CAND1: variants seen among roughly 807,000 people sequenced by gnomAD.
CAND1 encodes the protein cullin-associated NEDD8-dissociated protein 1.
CAND1 carries 7 observed loss-of-function variants against 108.5 expected under a neutral mutation model. The ratio of observed to expected loss-of-function variants is 0.06; its 90% CI spans 0.04 to 0.12. CAND1 has a LOEUF of 0.12. CAND1 is among the 10% of genes least tolerant of loss of function. CAND1 has a pLI of 1.00. For missense variants in CAND1, 941 were observed against 1,448.7 expected (o/e 0.65, Z 5.69); for synonymous variants, 534 against 512.0 (o/e 1.04, Z -0.58).
rs956673304 is a variant in CAND1, at chr12:67,317,019, A to G, written c.*4189A>G. 2.6e-5 allele frequency: 4 copies of G among 152,192 alleles called. No individual in the cohort carries two copies. Among genetic ancestry groups the G allele is most frequent in the African/African-American group, 7.2e-5 (3 of 41,420 alleles). 9.4% of individuals were successfully genotyped at this position (152,192 alleles called of 1,614,324 possible). A position where few individuals can be genotyped will look rare whatever the true frequency, so the allele number is the denominator to read the frequency against. The stretch of plus-strand genomic sequence containing the variant: ...AGAAAAAAGAAATCAACAACATGCA[A>G]CCATAAGAATGGATGAGATGGCCCT... On this transcript the variant is annotated 3_prime_UTR_variant, in exon 15 of 15. Coordinates refer to ENST00000545606, the MANE Select transcript of CAND1 (RefSeq NM_018448.5).
intron 1 of CAND1, among the ~76,000 whole-genome samples, chr12:67,272,886 G>A (rs1030677446): frequency 2.0e-5 from 3 of 152,138 alleles, no homozygotes; most frequent in Admixed American, 6.5e-5. Context: ...TAGTCAAGAC[G>A]GGGTTTCACC....
intron 1 of CAND1, among the ~76,000 whole-genome samples, 180 bp from the exon 2 acceptor site, chr12:67,281,730 C>A (rs1410704401): frequency 6.6e-6 from 1 of 152,094 alleles, no homozygotes; most frequent in African/African-American, 2.4e-5. Flanking sequence ...TACATTATTG[C>A]TCTTTTCCTT....
chr12:67,276,851 G>C (rs1448552909), intron 1 of CAND1, among the ~76,000 whole-genome samples: 3 of 152,168 alleles, frequency 2.0e-5, no homozygotes, highest in Admixed American at 1.3e-4. Flanking sequence ...TTTGGCCAAG[G>C]GTAGACAAAG....
At chr12:67,276,068 A>G (rs985309212) in intron 1 of CAND1, among the ~76,000 whole-genome samples, 2 of 152,106 alleles carry the variant, frequency 1.3e-5, no homozygotes, top group Non-Finnish European at 2.9e-5. Flanking sequence ...CCTGATGAGT[A>G]TTTCTCAAAT....
intron 1 of CAND1, among the ~76,000 whole-genome samples, chr12:67,271,811 T>G (rs1305386744): frequency 6.6e-6 from 1 of 152,206 alleles, no homozygotes. Context: ...TTGGCATCAT[T>G]AAGATATTTT....
rs187989643 is a variant in CAND1 at position 67,287,186 on chromosome 12, A to G, written c.212+5133A>G. Among the ~76,000 whole-genome samples, 9 of 152,264 alleles carry G rather than the reference A, an allele frequency of 5.9e-5. No individual in the cohort carries two copies. The South Asian group carries it at 8.3e-4, about 14-fold the overall frequency. ...GCCAATAGCATTCCCACCTCTCCCA[A>G]TTGTAACAATCAGAAATGTCTCTTG... is the stretch of plus-strand genomic sequence containing the variant. On this transcript the variant is annotated intron_variant, in intron 2 of 14. Coordinates refer to ENST00000545606, the MANE Select transcript of CAND1 (RefSeq NM_018448.5).
chr12:67,310,097 A>T (rs753679211), intron 12 of CAND1, 27 bp downstream of exon 12: 2 of 1,608,986 alleles, frequency 1.2e-6, no homozygotes, highest in Non-Finnish European at 1.7e-6. Flanking sequence ...TGTTTATTTG[A>T]GCTTGTCTTT....
rs17103637 is a variant in CAND1, at chr12:67,269,428, C to G, written c.-290C>G. ...CCCTGAGTGGAAGTGTCTGGCTCCCCGTAGAGGCCCTTCTGTACGCCCCGC... is the reference window on the plus strand; with the variant it reads ...CCCTGAGTGGAAGTGTCTGGCTCCCGGTAGAGGCCCTTCTGTACGCCCCGC... On this transcript the variant is annotated 5_prime_UTR_variant, in exon 1 of 15. Coordinates refer to ENST00000545606, the MANE Select transcript of CAND1 (RefSeq NM_018448.5). The G allele has an allele frequency of 2.3e-6, 1 of 435,966 alleles. No individual in the cohort carries two copies. Among genetic ancestry groups the G allele is most frequent in the Admixed American group, 4.8e-5 (1 of 20,728 alleles). 27.0% of individuals were successfully genotyped at this position (435,966 alleles called of 1,614,324 possible).
chr12:67,273,471 GTTCTTTTCTTTT>G (rs1233178655), intron 1 of CAND1, among the ~76,000 whole-genome samples: 4 of 142,238 alleles, frequency 2.8e-5, no homozygotes, highest in Non-Finnish European at 3.1e-5. Flanking sequence ...AGGTAACTAA[GTTCTTTTCTTTT>G]TTTTTTTTTT....
Position 67,317,473 on chromosome 12 carries a change from A to ATTTTTTTTTTTT in CAND1, c.*4655_*4666dup, listed in dbSNP as rs61481589. ...CTTTTTTCTTTTTTTTTCTTTCTTA[A>ATTTTTTTTTTTT]TTTTTTTTTTTTTTTTTTTTTTTGA... is the stretch of plus-strand genomic sequence containing the variant. On this transcript the variant is annotated 3_prime_UTR_variant, in exon 15 of 15. Coordinates refer to ENST00000545606, the MANE Select transcript of CAND1 (RefSeq NM_018448.5). The ATTTTTTTTTTTT allele has an allele frequency of 6.0e-4, 53 of 88,156 alleles. No individual in the cohort carries two copies. Among genetic ancestry groups the ATTTTTTTTTTTT allele is most frequent in the African/African-American group, 1.2e-3 (22 of 18,436 alleles). 5.5% of individuals were successfully genotyped at this position (88,156 alleles called of 1,614,324 possible).
intron 2 of CAND1, among the ~76,000 whole-genome samples, chr12:67,287,546 C>T (rs915223743): frequency 1.3e-5 from 2 of 152,120 alleles, no homozygotes; most frequent in Admixed American, 1.3e-4. Context: ...AAACAATCGT[C>T]ATCAGTGAAT....
chr12:67,275,421 C>T (rs967705455), intron 1 of CAND1, among the ~76,000 whole-genome samples: 11 of 147,584 alleles, frequency 7.5e-5, no homozygotes, highest in South Asian at 6.3e-4. Flanking sequence ...CAGCTACTCG[C>T]GAGGCTGAGG....
chr12:67,319,577 T>G lies in CAND1; in HGVS notation c.*6747T>G. ...AAAAGCACCTGTCTGTCTGTTAACG[T>G]TGGTGCAGATACTGCTATTCCCCTC... is the stretch of plus-strand genomic sequence containing the variant. On this transcript the variant is annotated 3_prime_UTR_variant, in exon 15 of 15. Coordinates refer to ENST00000545606, the MANE Select transcript of CAND1 (RefSeq NM_018448.5). 6.6e-6 allele frequency: 1 copy of G among 152,146 alleles called. No homozygotes were observed. Among genetic ancestry groups the G allele is most frequent in the East Asian group, 1.9e-4 (1 of 5,194 alleles). The allele number at this position is 152,146 out of a possible 1,614,324, so 9.4% of individuals were successfully genotyped here. A position where few individuals can be genotyped will look rare whatever the true frequency, so the allele number is the denominator to read the frequency against.
At chr12:67,272,075 C>T (rs2044525909) in intron 1 of CAND1, among the ~76,000 whole-genome samples, 1 of 151,926 alleles carries the variant, frequency 6.6e-6, no homozygotes, top group Admixed American at 6.6e-5. Flanking sequence ...GCTTAAATAC[C>T]AAGATTTGTG....
At chr12:67,308,265 A>G (rs1023641217) in intron 11 of CAND1, among the ~76,000 whole-genome samples, 8 of 152,098 alleles carry the variant, frequency 5.3e-5, no homozygotes, top group African/African-American at 1.9e-4. Context: ...AAAAAATACA[A>G]TATAAAATTT....
At chr12:67,276,516 T>G (rs372922065) in intron 1 of CAND1, among the ~76,000 whole-genome samples, 1 of 152,120 alleles carries the variant, frequency 6.6e-6, no homozygotes, top group South Asian at 2.1e-4. Context: ...TTAGGTTGAG[T>G]GTTGTCAGAA....
chr12:67,270,322 A>G (rs1347643190), intron 1 of CAND1: 2 of 152,820 alleles, frequency 1.3e-5, no homozygotes, highest in African/African-American at 2.4e-5. Flanking sequence ...TGGCTGATAC[A>G]TAGTTCTTTT....
intron 1 of CAND1, among the ~76,000 whole-genome samples, chr12:67,278,363 T>C (rs2044589216): frequency 6.6e-6 from 1 of 151,956 alleles, no homozygotes; most frequent in Non-Finnish European, 1.5e-5. Context: ...CACCATGTTG[T>C]CCAGGCTGGT....
At chr12:67,272,906 AGCAT>A (rs1310316423) in intron 1 of CAND1, among the ~76,000 whole-genome samples, 2 of 152,112 alleles carry the variant, frequency 1.3e-5, no homozygotes, top group Admixed American at 1.3e-4. Context: ...CATGTTCGCC[AGCAT>A]GGTCTCGATC....
Sources: allele counts gnomAD v4.1 joint callset (sites outside exome capture counted in the v4.1 genomes callset), GRCh38; gene constraint gnomAD v4.1.1; transcripts MANE v1.5; gene names NCBI Gene and HGNC (gene_info 2026-07-23, HGNC 2026-07-21).